The following COG5 variants were observed in gnomAD, a reference collection of about 807,000 sequenced individuals.
COG5 encodes the protein component of oligomeric golgi complex 5, also known as conserved oligomeric Golgi complex subunit 5.
COG5 carries 86 observed loss-of-function variants against 110.4 expected under a neutral mutation model. The ratio of observed to expected loss-of-function variants is 0.78; its 90% CI spans 0.65 to 0.93. COG5 has a LOEUF of 0.93. COG5 is among the 40% of genes least tolerant of loss of function. COG5 has a pLI of 0.00. For synonymous variants in COG5, 360 were observed against 334.6 expected (o/e 1.08, Z -0.83); for missense variants, 1,077 against 987.0 (o/e 1.09, Z -1.22).
intron 11 of COG5, among the ~76,000 whole-genome samples, chr7:107,309,788 T>C (rs185576875): frequency 4.6e-5 from 7 of 152,314 alleles, no homozygotes; most frequent in Admixed American, 3.9e-4. Context: ...TATAAATGTG[T>C]AAAATACTTA....
chr7:107,241,039 G>T (rs926689378), intron 17 of COG5, among the ~76,000 whole-genome samples: 2 of 152,226 alleles, frequency 1.3e-5, no homozygotes, highest in African/African-American at 4.8e-5. Context: ...ATCAGTTGAA[G>T]AAACAGTTTG....
At chr7:107,292,017 TCTC>T (rs1806218354) in intron 12 of COG5, among the ~76,000 whole-genome samples, 1 of 152,120 alleles carries the variant, frequency 6.6e-6, no homozygotes, top group African/African-American at 2.4e-5. Flanking sequence ...CCCTTCCTCC[TCTC>T]CTTTCTTTGC....
chr7:107,343,860 T>C (rs959056525), intron 10 of COG5, among the ~76,000 whole-genome samples: 4 of 148,982 alleles, frequency 2.7e-5, no homozygotes, highest in Non-Finnish European at 5.9e-5. Context: ...TGAGTAATAG[T>C]TTGAAAGGAT....
At chr7:107,436,637 A>G (rs927969654) in intron 6 of COG5, among the ~76,000 whole-genome samples, 2 of 152,178 alleles carry the variant, frequency 1.3e-5, no homozygotes, top group Admixed American at 1.3e-4. Flanking sequence ...AAAAAGTTCT[A>G]TTTTATGTGT....
intron 7 of COG5, among the ~76,000 whole-genome samples, chr7:107,375,580 T>C (rs1443016929): frequency 6.6e-6 from 1 of 152,056 alleles, no homozygotes; most frequent in Non-Finnish European, 1.5e-5. Context: ...TAATTTGTAT[T>C]TCTATGATGA....
intron 7 of COG5, among the ~76,000 whole-genome samples, chr7:107,392,692 G>T (rs1396408999): frequency 6.7e-6 from 1 of 149,778 alleles, no homozygotes; most frequent in Non-Finnish European, 1.5e-5. Flanking sequence ...AAAAAAAAAG[G>T]ATAAAAATCA....
chr7:107,548,652 A>T (rs1175175819), intron 3 of COG5, among the ~76,000 whole-genome samples: 1 of 152,228 alleles, frequency 6.6e-6, no homozygotes, highest in Non-Finnish European at 1.5e-5. Context: ...AATGTACTTA[A>T]TGCCACTGAA....
In COG5 at chr7:107,283,665, G is replaced by A. The variant is rs148069173; in HGVS notation, c.1381C>T (p.Arg461Ter). The A allele has an allele frequency of 1.4e-5, 23 of 1,613,628 alleles. No homozygotes were observed. Among genetic ancestry groups the A allele is most frequent in the Non-Finnish European group, 1.8e-5 (21 of 1,179,728 alleles). The change falls in exon 13 of 22, where the codon CGA becomes TGA. Residue 461 changes from arginine to a stop codon, truncating the protein, a stop_gained. Transcript: ENST00000297135. LOFTEE classifies it high-confidence loss of function. ...EAAYLSKSLS[R>*]LFDPINLVFP... The stretch of plus-strand genomic sequence containing the variant: ...ACCAAGTTGATAGGATCGAAGAGTC[G>A]AGATAAGGATTTTGATAGATAAGCA...
At chr7:107,476,304 G>GAAA (rs5886418) in intron 6 of COG5, among the ~76,000 whole-genome samples, 2 of 144,074 alleles carry the variant, frequency 1.4e-5, no homozygotes, top group Non-Finnish European at 1.5e-5. Flanking sequence ...TACCAGGAAT[G>GAAA]AAAAAAAAAA....
chr7:107,217,384 A>C (rs1799604893), intron 19 of COG5, among the ~76,000 whole-genome samples: 1 of 152,176 alleles, frequency 6.6e-6, no homozygotes, highest in South Asian at 2.1e-4. Flanking sequence ...AATACTTCCA[A>C]GCTAGTTTTA....
chr7:107,321,207 T>C (rs2117050650), intron 11 of COG5, among the ~76,000 whole-genome samples: 1 of 152,068 alleles, frequency 6.6e-6, no homozygotes, highest in South Asian at 2.1e-4. Context: ...AATGAAAAAA[T>C]AACATATAGA....
intron 19 of COG5, among the ~76,000 whole-genome samples, chr7:107,222,135 G>A (rs1032451671): frequency 6.6e-6 from 1 of 151,932 alleles, no homozygotes; most frequent in Non-Finnish European, 1.5e-5. Flanking sequence ...TGAGATGCCT[G>A]TCTAAGCCAG....
chr7:107,508,019 CAGACAGTGGGTGCA>C (rs1211374348), intron 6 of COG5, among the ~76,000 whole-genome samples: 1 of 152,102 alleles, frequency 6.6e-6, no homozygotes, highest in African/African-American at 2.4e-5. Context: ...TAGAGAGTGC[CAGACAGTGGGTGCA>C]AGACAGTGGG....
At chr7:107,556,765 TTTTC>T (rs1213179635) in intron 2 of COG5, among the ~76,000 whole-genome samples, 93 of 152,028 alleles carry the variant, frequency 6.1e-4, no homozygotes, top group African/African-American at 2.1e-3. Flanking sequence ...ATTAAGCGTG[TTTTC>T]TTTCTTTTTT....
intron 5 of COG5, among the ~76,000 whole-genome samples, 199 bp from the exon 6 acceptor site, chr7:107,527,556 G>T (rs543242434): frequency 2.4e-4 from 37 of 152,194 alleles, no homozygotes. Flanking sequence ...CTTAATATGT[G>T]AATCTACCCA....
At chr7:107,530,749 A>G (rs527702520) in intron 5 of COG5, among the ~76,000 whole-genome samples, 25 of 152,260 alleles carry the variant, frequency 1.6e-4, no homozygotes, top group Admixed American at 5.2e-4. Flanking sequence ...CTAAGCTATT[A>G]TAAGTTGATC....
rs548020980 is a variant in COG5 at position 107,480,719 on chromosome 7, C to T, written c.538+46518G>A. 5.3e-5 allele frequency: 8 copies of T among 152,034 alleles called. No individual in the cohort carries two copies. The East Asian group carries it at 1.5e-3, about 29-fold the overall frequency. The allele number at this position is 152,034 out of a possible 1,614,324, so 9.4% of individuals were successfully genotyped here. A position where few individuals can be genotyped will look rare whatever the true frequency, so the allele number is the denominator to read the frequency against. On this transcript the variant is annotated intron_variant, in intron 6 of 21. Coordinates refer to ENST00000297135, the MANE Select transcript of COG5 (RefSeq NM_006348.5). ...CACATACTAGAAATATAACAACAAA[C>T]AATGCATCATAACAAGCAGAATAAA... is the stretch of plus-strand genomic sequence containing the variant.
chr7:107,264,520 C>T (rs1803639241), intron 14 of COG5, among the ~76,000 whole-genome samples: 1 of 151,960 alleles, frequency 6.6e-6, no homozygotes, highest in Admixed American at 6.6e-5. Context: ...GGCAAAACCC[C>T]ATCTCTACAA....
At chr7:107,484,141 C>T (rs1797513279) in intron 6 of COG5, among the ~76,000 whole-genome samples, 1 of 151,984 alleles carries the variant, frequency 6.6e-6, no homozygotes. Flanking sequence ...GCCTTGTACT[C>T]CTGGGTTCAA....
Sources: allele counts gnomAD v4.1 joint callset (sites outside exome capture counted in the v4.1 genomes callset), GRCh38; gene constraint gnomAD v4.1.1; transcripts MANE v1.5; gene names NCBI Gene and HGNC (gene_info 2026-07-23, HGNC 2026-07-21).